PPP4R4: variants seen among roughly 807,000 people sequenced by gnomAD.
PPP4R4 encodes the protein serine/threonine-protein phosphatase 4 regulatory subunit 4.
PPP4R4 carries 70 observed loss-of-function variants against 121.8 expected under a neutral mutation model. That is an observed-to-expected ratio of 0.57 (90% CI 0.47 to 0.70). PPP4R4 has a LOEUF of 0.70. Among genes scored for constraint, PPP4R4 ranks in the 30% least tolerant of loss-of-function variants. The pLI, the probability that PPP4R4 is intolerant of heterozygous loss-of-function variation, is 0.00. For synonymous variants in PPP4R4, 348 were observed against 355.7 expected, an observed-to-expected ratio of 0.98 and a Z score of 0.24; for missense variants, 875 against 1,033.6, an observed-to-expected ratio of 0.85 and a Z score of 2.10.
chr14:94,252,139 A>G (rs1205874892), intron 16 of PPP4R4, among the ~76,000 whole-genome samples: 1 of 152,168 alleles, frequency 6.6e-6, no homozygotes, highest in Non-Finnish European at 1.5e-5. Context: ...CAGATTGGTA[A>G]GCTTCTTCGG....
At chr14:94,275,548 A>C (rs1309410543) in intron 24 of PPP4R4, 27 bp downstream of exon 24, 1 of 1,611,750 alleles carries the variant, frequency 6.2e-7, no homozygotes. Context: ...TGTCAGACTG[A>C]GTGTATTATC....
At chr14:94,259,875 G>A (rs1373300953) in intron 19 of PPP4R4, among the ~76,000 whole-genome samples, 10 of 151,992 alleles carry the variant, frequency 6.6e-5, no homozygotes, top group Non-Finnish European at 1.0e-4. Flanking sequence ...CCATATTATC[G>A]TATGCATCAA....
chr14:94,238,729 C>T (rs541293197), intron 8 of PPP4R4, among the ~76,000 whole-genome samples: 14 of 152,156 alleles, frequency 9.2e-5, no homozygotes, highest in African/African-American at 3.4e-4. Flanking sequence ...AGAATTCAAT[C>T]GTATAATTAT....
chr14:94,275,586 T>G lies in PPP4R4; in HGVS notation c.2597+65T>G. On this transcript the variant is annotated intron_variant, in intron 24 of 24. Transcript: ENST00000304338. Reference sequence around the variant, plus strand: ...CCTCTTTTGCTTAACACACTTTCCTTCCCACTTAAGTACTTTCCAAAGAAT... The same window carrying G: ...CCTCTTTTGCTTAACACACTTTCCTGCCCACTTAAGTACTTTCCAAAGAAT... 1.9e-6 allele frequency: 3 copies of G among 1,545,062 alleles called. No homozygotes were observed. In the South Asian group the frequency reaches 3.4e-5, roughly 18 times the overall value.
At chr14:94,242,973 G>T (rs943648161) in intron 11 of PPP4R4, among the ~76,000 whole-genome samples, 2 of 152,136 alleles carry the variant, frequency 1.3e-5, no homozygotes, top group South Asian at 4.1e-4. Context: ...CACGTATGCC[G>T]TGGTTGCAAT....
chr14:94,257,163 G>A (rs1017916632), intron 17 of PPP4R4, among the ~76,000 whole-genome samples: 1 of 152,014 alleles, frequency 6.6e-6, no homozygotes, highest in Non-Finnish European at 1.5e-5. Context: ...TGTATCCTAT[G>A]AGTTTTTTGT....
chr14:94,196,301 TTTCA>T (rs1358100059), intron 2 of PPP4R4, among the ~76,000 whole-genome samples: 3 of 140,328 alleles, frequency 2.1e-5, no homozygotes, highest in Admixed American at 8.2e-5. Flanking sequence ...TATTACTTTC[TTTCA>T]AAGGTTTTTT....
intron 22 of PPP4R4, 42 bp downstream of exon 22, chr14:94,265,929 C>T: frequency 7.7e-7 from 1 of 1,301,514 alleles, no homozygotes; most frequent in South Asian, 1.4e-5. Flanking sequence ...TAATTTTTAT[C>T]TTTATTCACA....
At chr14:94,258,924 T>C in intron 18 of PPP4R4, 100 bp downstream of exon 18, 1 of 1,125,504 alleles carries the variant, frequency 8.9e-7, no homozygotes, top group Non-Finnish European at 1.3e-6. Context: ...GAGGTTTAAT[T>C]GAACTCACAG....
chr14:94,247,747 G>A (rs1406015390), intron 14 of PPP4R4, among the ~76,000 whole-genome samples: 1 of 152,168 alleles, frequency 6.6e-6, no homozygotes, highest in Non-Finnish European at 1.5e-5. Context: ...GCAATGTGAG[G>A]TTAGTTCAAC....
chr14:94,245,074 A>G (rs1892823492), intron 12 of PPP4R4, among the ~76,000 whole-genome samples: 1 of 151,974 alleles, frequency 6.6e-6, no homozygotes, highest in Non-Finnish European at 1.5e-5. Context: ...ATTTTACTCA[A>G]TTGTAATCAT....
intron 24 of PPP4R4, among the ~76,000 whole-genome samples, chr14:94,275,986 A>G (rs1894617918): frequency 6.6e-6 from 1 of 152,132 alleles, no homozygotes; most frequent in Non-Finnish European, 1.5e-5. Context: ...TTGTGTCTTG[A>G]AGCTGAGGTT....
intron 3 of PPP4R4, among the ~76,000 whole-genome samples, chr14:94,217,171 A>G (rs967735934): frequency 1.3e-5 from 2 of 152,210 alleles, no homozygotes; most frequent in African/African-American, 4.8e-5. Context: ...GTTGTCTACT[A>G]CTAGAGAAGG....
intron 11 of PPP4R4, 50 bp downstream of exon 11, chr14:94,242,458 A>G (rs1045992609): frequency 2.6e-6 from 4 of 1,532,010 alleles, no homozygotes; most frequent in African/African-American, 1.4e-5. Flanking sequence ...AATTCTACCT[A>G]TGTATACTAG....
chr14:94,237,725 GT>G (rs1566680269), intron 8 of PPP4R4, 39 bp downstream of exon 8: 2 of 1,590,920 alleles, frequency 1.3e-6, no homozygotes, highest in Non-Finnish European at 1.7e-6. Flanking sequence ...TGAAAACAGT[GT>G]TTTTCTACAT....
intron 2 of PPP4R4, among the ~76,000 whole-genome samples, chr14:94,207,983 G>A (rs1322291090): frequency 2.0e-5 from 3 of 151,814 alleles, no homozygotes; most frequent in Non-Finnish European, 4.4e-5. Flanking sequence ...GTCAAATCTA[G>A]TGTAACAAGT....
At position 94,265,022 on chromosome 14, in the gene PPP4R4, C is replaced by T. The variant is rs149489617; in HGVS notation, c.2197+75C>T. On this transcript the variant is annotated intron_variant, in intron 20 of 24. Transcript: ENST00000304338. ...CATCCTGGTATTCTGAAAGACCATG[C>T]TGAATTTTTTATTTGATATGGAAAA... The T allele has an allele frequency of 5.7e-6, 7 of 1,223,780 alleles. No homozygotes were observed. In the African/African-American group the frequency reaches 1.1e-4, roughly 19 times the overall value. 75.8% of individuals were successfully genotyped at this position (1,223,780 alleles called of 1,614,324 possible).
At chr14:94,219,055 ATCT>A (rs1169514143) in intron 3 of PPP4R4, among the ~76,000 whole-genome samples, 7 of 140,982 alleles carry the variant, frequency 5.0e-5, no homozygotes, top group Non-Finnish European at 9.4e-5. Flanking sequence ...GTAAAGGAAA[ATCT>A]TTTTTTTTTT....
intron 14 of PPP4R4, among the ~76,000 whole-genome samples, chr14:94,246,865 C>T (rs1892921430): frequency 6.6e-6 from 1 of 152,212 alleles, no homozygotes; most frequent in Non-Finnish European, 1.5e-5. Flanking sequence ...TGACAGGACT[C>T]AGTGACCTTG....
Sources: gnomAD v4.1 joint callset for allele counts (sites outside exome capture counted in the v4.1 genomes callset) on GRCh38, gnomAD v4.1.1 for gene constraint, MANE v1.5 for transcripts, NCBI Gene and HGNC (gene_info 2026-07-23, HGNC 2026-07-21) for gene names.